The following CACNA1C variants were observed in gnomAD, a reference collection of about 807,000 sequenced individuals.
The protein encoded by CACNA1C is calcium voltage-gated channel subunit alpha1 C.
A neutral mutation model predicts 229.0 loss-of-function variants in CACNA1C; 30 were observed. The ratio of observed to expected loss-of-function variants is 0.13; its 90% CI spans 0.10 to 0.18. The LOEUF (loss-of-function observed/expected upper bound fraction) is 0.18, where lower values mean the gene tolerates loss of function less well. Among genes scored for constraint, CACNA1C ranks in the 10% least tolerant of loss-of-function variants. CACNA1C has a pLI of 1.00. For synonymous variants in CACNA1C, 1,114 were observed against 1,132.5 expected, an observed-to-expected ratio of 0.98 and a Z score of 0.33; for missense variants, 1,658 against 2,845.0, an observed-to-expected ratio of 0.58 and a Z score of 9.49.
intron 3 of CACNA1C, among the ~76,000 whole-genome samples, chr12:2,439,298 C>G (rs114162936): frequency 0.012 from 1,883 of 152,296 alleles, 48 homozygotes; most frequent in African/African-American, 0.044. Flanking sequence ...ATCATGCCCT[C>G]TGTACTGTTC....
chr12:1,993,931 C>T (rs2040166313), intron 1 of CACNA1C, among the ~76,000 whole-genome samples: 1 of 152,152 alleles, frequency 6.6e-6, no homozygotes, highest in African/African-American at 2.4e-5. Context: ...TGTGAGGACA[C>T]AGCCTGAACT....
chr12:2,633,481 C>G lies in CACNA1C; in HGVS notation c.3829-816C>G. On this transcript the variant is annotated intron_variant, in intron 29 of 46. Coordinates refer to ENST00000399655, the MANE Select transcript of CACNA1C (RefSeq NM_000719.7). This position sits in a 1 kb window ranked among gnomAD's most constrained non-coding sequence, Gnocchi z 5.8. Reference sequence around the variant, plus strand: ...CTGCTGCTCCTTCCTTGCTGGTGCTCCTGGGCTCCTGGCCATGGTGAGGGC... The same window carrying G: ...CTGCTGCTCCTTCCTTGCTGGTGCTGCTGGGCTCCTGGCCATGGTGAGGGC... 1 of 662,820 alleles carries G rather than the reference C, an allele frequency of 1.5e-6. No individual in the cohort carries two copies. Among genetic ancestry groups the G allele is most frequent in the South Asian group, 1.7e-5 (1 of 58,924 alleles). The allele number at this position is 662,820 out of a possible 1,614,324, so 41.1% of individuals were successfully genotyped here. A position where few individuals can be genotyped will look rare whatever the true frequency, so the allele number is the denominator to read the frequency against.
At position 2,653,790 on chromosome 12, in the gene CACNA1C, C is replaced by T; in HGVS notation, c.4075-45C>T. ...GCTCCCTGGGAAGGGGCCCAGCTGG[C>T]CTCTGCACTCCAGCCTCATGGGAGT... On this transcript the variant is annotated intron_variant, in intron 32 of 46. Transcript: ENST00000399655. The surrounding 1 kb of genome is among the most constrained non-coding windows in gnomAD (Gnocchi z 4.7). 6.5e-7 allele frequency: 1 copy of T among 1,548,278 alleles called. No homozygotes were observed. Among genetic ancestry groups the T allele is most frequent in the Non-Finnish European group, 8.9e-7 (1 of 1,121,176 alleles).
At chr12:2,297,500 C>T (rs951358719) in intron 3 of CACNA1C, among the ~76,000 whole-genome samples, 2 of 152,120 alleles carry the variant, frequency 1.3e-5, no homozygotes, top group Non-Finnish European at 2.9e-5. Context: ...GGGCAGTGGC[C>T]CTTGCTTCCA....
At chr12:2,270,741 G>A (rs1295610953) in intron 3 of CACNA1C, among the ~76,000 whole-genome samples, 2 of 152,200 alleles carry the variant, frequency 1.3e-5, no homozygotes, top group Non-Finnish European at 2.9e-5. Flanking sequence ...GTCCTCAAAT[G>A]TCACCTCCAT....
chr12:2,481,532 C>T (rs545255478), intron 5 of CACNA1C, among the ~76,000 whole-genome samples: 20 of 152,356 alleles, frequency 1.3e-4, no homozygotes, highest in African/African-American at 4.8e-4. Flanking sequence ...CCGAGCCCAG[C>T]ACTGAATGAT....
intron 3 of CACNA1C, among the ~76,000 whole-genome samples, chr12:2,406,698 G>A (rs1057114795): frequency 3.9e-5 from 6 of 152,154 alleles, no homozygotes; most frequent in Non-Finnish European, 7.3e-5. Context: ...GTAATTGCTT[G>A]TTGCAGCATT....
At position 2,357,118 on chromosome 12, in the gene CACNA1C, A is replaced by G. The variant is rs547342610; in HGVS notation, c.478-91858A>G. 3.9e-5 allele frequency among the ~76,000 whole-genome samples: 6 copies of G among 152,322 alleles called. No homozygotes were observed. The South Asian group carries it at 1.2e-3, about 32-fold the overall frequency. ...TGGGCTTTTTATGTGTCACTCATTG[A>G]TGAGAACCAAAACTGGACAAGATTA... On this transcript the variant is annotated intron_variant, in intron 3 of 46. Coordinates refer to ENST00000399655, the MANE Select transcript of CACNA1C (RefSeq NM_000719.7).
rs569648498 is a variant in CACNA1C, at chr12:2,623,927, T to C, written c.3829-10370T>C. On this transcript the variant is annotated intron_variant, in intron 29 of 46. Transcript: ENST00000399655. Reference sequence around the variant, plus strand: ...AGAGATGGAAGGCAAAGACAGTGGCTCCGGAGCCGCCATCCGTGCCGTGCT... The same window carrying C: ...AGAGATGGAAGGCAAAGACAGTGGCCCCGGAGCCGCCATCCGTGCCGTGCT... Among the ~76,000 whole-genome samples the C allele has an allele frequency of 3.0e-4, 45 of 152,246 alleles. No homozygotes were observed. The South Asian group carries it at 9.3e-3, about 32-fold the overall frequency.
chr12:2,139,296 A>G (rs959533809), intron 3 of CACNA1C, among the ~76,000 whole-genome samples: 9 of 151,072 alleles, frequency 6.0e-5, no homozygotes, highest in African/African-American at 9.7e-5. Flanking sequence ...CTCTGTGTCC[A>G]GCTTTCCCTC....
At chr12:1,980,563 A>G (rs557469994) in intron 1 of CACNA1C, among the ~76,000 whole-genome samples, 4 of 152,040 alleles carry the variant, frequency 2.6e-5, no homozygotes, top group Non-Finnish European at 5.9e-5. Flanking sequence ...TCTTAAGAAC[A>G]GAAGTTTTTA....
chr12:2,396,906 G>T (rs558661544), intron 3 of CACNA1C, among the ~76,000 whole-genome samples: 1 of 152,380 alleles, frequency 6.6e-6, no homozygotes, highest in Non-Finnish European at 1.5e-5. Context: ...CCCAGGGCAG[G>T]CTGCTGCACT....
intron 5 of CACNA1C, among the ~76,000 whole-genome samples, 158 bp downstream of exon 5, chr12:2,457,864 C>T (rs2099447867): frequency 6.6e-6 from 1 of 152,116 alleles, no homozygotes; most frequent in African/African-American, 2.4e-5. Context: ...TCTGAAGAGC[C>T]CAACTCGGAT....
chr12:2,575,232 G>A lies in CACNA1C; in HGVS notation c.1896-6358G>A, dbSNP rs2154594202. On this transcript the variant is annotated intron_variant, in intron 13 of 46. Coordinates refer to ENST00000399655, the MANE Select transcript of CACNA1C (RefSeq NM_000719.7). This position sits in a 1 kb window ranked among gnomAD's most constrained non-coding sequence, Gnocchi z 4.0. ...GTGAAACCACAAAATGGTCTTCCCAGCCTGCTAGAATGGACGGGAGCAGGG... is the reference window on the plus strand; with the variant it reads ...GTGAAACCACAAAATGGTCTTCCCAACCTGCTAGAATGGACGGGAGCAGGG... 6.6e-6 allele frequency among the ~76,000 whole-genome samples: 1 copy of A among 152,324 alleles called. No individual in the cohort carries two copies. The highest frequency in any genetic ancestry group is 2.4e-5 in the African/African-American group (1 of 41,572).
At chr12:2,492,308 G>A (rs1031893384) in intron 6 of CACNA1C, among the ~76,000 whole-genome samples, 1 of 152,174 alleles carries the variant, frequency 6.6e-6, no homozygotes, top group African/African-American at 2.4e-5. Context: ...TAGTCCAACT[G>A]CTGCATTTAG....
chr12:2,511,635 G>C (rs985930411), intron 8 of CACNA1C, among the ~76,000 whole-genome samples: 6 of 151,960 alleles, frequency 3.9e-5, no homozygotes, highest in African/African-American at 1.5e-4. Context: ...ATTCCCCAAA[G>C]ACTGCATATC....
chr12:2,608,848 T>C lies in CACNA1C; in HGVS notation c.3558+136T>C. 1 of 833,612 alleles carries C rather than the reference T, an allele frequency of 1.2e-6. No individual in the cohort carries two copies. Among genetic ancestry groups the C allele is most frequent in the Admixed American group, 2.7e-5 (1 of 37,638 alleles). The allele number at this position is 833,612 out of a possible 1,614,324, so 51.6% of individuals were successfully genotyped here. The stretch of plus-strand genomic sequence containing the variant: ...TCGTCTCTCTATTCCTCAACCAGAG[T>C]GGGCTGTCAGTCTTTTTGAGGGACC... On this transcript the variant is annotated intron_variant, in intron 27 of 46. Transcript: ENST00000399655. The surrounding 1 kb of genome is among the most constrained non-coding windows in gnomAD (Gnocchi z 4.2).
In CACNA1C at chr12:2,348,208, G is replaced by A. The variant is rs1009223970; in HGVS notation, c.478-100768G>A. 2.0e-5 allele frequency among the ~76,000 whole-genome samples: 3 copies of A among 152,174 alleles called. No individual in the cohort carries two copies. The highest frequency in any genetic ancestry group is 2.4e-5 in the African/African-American group (1 of 41,462). On this transcript the variant is annotated intron_variant, in intron 3 of 46. Transcript: ENST00000399655. The surrounding 1 kb of genome is among the most constrained non-coding windows in gnomAD (Gnocchi z 4.7). Reference sequence around the variant, plus strand: ...GAGGAGCTGGGCAGTGCAGCGAGGCGCCAGCTGTGCCTGACTCCTGAGGCC... The same window carrying A: ...GAGGAGCTGGGCAGTGCAGCGAGGCACCAGCTGTGCCTGACTCCTGAGGCC...
In CACNA1C at chr12:2,115,530, G is replaced by A. The variant is rs1220725707; in HGVS notation, c.356G>A (p.Ser119Asn). 3 of 1,613,216 alleles carry A rather than the reference G, an allele frequency of 1.9e-6. No homozygotes were observed. In the African/African-American group the frequency reaches 4.0e-5, roughly 22 times the overall value. The change falls in exon 2 of 47, where the codon AGC becomes AAC. Residue 119 changes from serine (S) to asparagine (N), a missense_variant. Ser to Asn is a conservative substitution (Grantham distance 46). Around this residue, in one of 20 missense-constraint regions of CACNA1C, gnomAD observed 89 missense variants for 177.8 expected, o/e 0.50. Transcript: ENST00000399655. ...LKNPIRRACI[S>N]IVEWKPFEII... ...AACCCCATCCGGAGGGCCTGCATCAGCATTGTCGAATGGAAATATCCTTTG... is the reference window on the plus strand; with the variant it reads ...AACCCCATCCGGAGGGCCTGCATCAACATTGTCGAATGGAAATATCCTTTG...
Sources: gnomAD v4.1 joint callset for allele counts (sites outside exome capture counted in the v4.1 genomes callset) on GRCh38, gnomAD v4.1.1 for gene constraint, gnomAD v4.1.1 regional missense constraint, Gnocchi (gnomAD v3.1) non-coding constraint, MANE v1.5 for transcripts, NCBI Gene and HGNC (gene_info 2026-07-23, HGNC 2026-07-21) for gene names.